Variants in PLEKHG7 observed in about 807,000 individuals in gnomAD.
PLEKHG7 encodes pleckstrin homology domain-containing family G member 7.
PLEKHG7 carries 77 observed loss-of-function variants against 85.2 expected under a neutral mutation model. The ratio of observed to expected loss-of-function variants is 0.90; its 90% CI spans 0.75 to 1.09. The LOEUF (loss-of-function observed/expected upper bound fraction) is 1.09. PLEKHG7 is among the 50% of genes least tolerant of loss of function. PLEKHG7 has a pLI of 0.00. For missense variants in PLEKHG7, 777 were observed against 804.3 expected (o/e 0.97, Z 0.41); for synonymous variants, 301 against 302.4 (o/e 1.00, Z 0.05).
intron 1 of PLEKHG7, among the ~76,000 whole-genome samples, chr12:92,705,046 G>A (rs1871194532): frequency 2.0e-5 from 3 of 152,374 alleles, no homozygotes; most frequent in South Asian, 2.1e-4. Context: ...TCACAAGGTT[G>A]TTGGACTTCT....
intron 9 of PLEKHG7, among the ~76,000 whole-genome samples, chr12:92,742,853 T>C (rs1437625020): frequency 2.6e-5 from 4 of 152,100 alleles, no homozygotes; most frequent in African/African-American, 7.2e-5. Context: ...CCACCATACC[T>C]GGCCCAAATT....
At chr12:92,743,795 G>A (rs1592682383) in intron 9 of PLEKHG7, among the ~76,000 whole-genome samples, 1 of 152,024 alleles carries the variant, frequency 6.6e-6, no homozygotes, top group South Asian at 2.1e-4. Context: ...CCTGACCTCA[G>A]GTGATCCACC....
intron 13 of PLEKHG7, 121 bp from the exon 14 acceptor site, chr12:92,761,623 GAAGAAAGA>G (rs10601568): frequency 0.082 from 59,045 of 715,748 alleles, 4,410 homozygotes; most frequent in East Asian, 0.24. Context: ...AAGAAAGAAA[GAAGAAAGA>G]AAGAAAGAAA....
intron 3 of PLEKHG7, chr12:92,721,635 G>T: frequency 1.7e-6 from 1 of 571,544 alleles, no homozygotes; most frequent in Non-Finnish European, 2.1e-6. Flanking sequence ...CAGACACCCA[G>T]TTATACAACC....
intron 3 of PLEKHG7, among the ~76,000 whole-genome samples, chr12:92,712,975 A>G (rs976676285): frequency 6.6e-6 from 1 of 152,168 alleles, no homozygotes; most frequent in African/African-American, 2.4e-5. Flanking sequence ...GTAGTCCCCA[A>G]AATGTCTGAT....
intron 3 of PLEKHG7, chr12:92,721,442 A>G: frequency 3.2e-6 from 4 of 1,230,768 alleles, no homozygotes; most frequent in Non-Finnish European, 4.1e-6. Flanking sequence ...ACGTTCTGGT[A>G]CCAGAAGGGA....
intron 3 of PLEKHG7, among the ~76,000 whole-genome samples, chr12:92,721,170 A>G (rs555033597): frequency 6.6e-6 from 1 of 152,238 alleles, no homozygotes; most frequent in East Asian, 1.9e-4. Context: ...AGCTGATTTT[A>G]AATTAGAATA....
chr12:92,725,305 G>A (rs147806178), intron 3 of PLEKHG7, among the ~76,000 whole-genome samples: 2 of 152,276 alleles, frequency 1.3e-5, no homozygotes, highest in East Asian at 3.9e-4. Context: ...GGTAAATGGA[G>A]CCAGATCACG....
chr12:92,712,957 A>G (rs1268650662), intron 3 of PLEKHG7, among the ~76,000 whole-genome samples: 1 of 152,190 alleles, frequency 6.6e-6, no homozygotes. Context: ...GCTCAAAGCC[A>G]GTGTCCAGTA....
At chr12:92,737,153 A>G (rs1275162206) in intron 6 of PLEKHG7, among the ~76,000 whole-genome samples, 1 of 152,204 alleles carries the variant, frequency 6.6e-6, no homozygotes, top group East Asian at 1.9e-4. Context: ...TGTGCATTTC[A>G]TGCTGCATAT....
At chr12:92,746,211 G>A (rs1872529675) in intron 10 of PLEKHG7, among the ~76,000 whole-genome samples, 1 of 152,196 alleles carries the variant, frequency 6.6e-6, no homozygotes, top group African/African-American at 2.4e-5. Flanking sequence ...AGTCTGAACT[G>A]AACCTTTTCA....
intron 1 of PLEKHG7, among the ~76,000 whole-genome samples, chr12:92,704,269 A>G (rs1448768538): frequency 1.3e-5 from 2 of 150,162 alleles, no homozygotes; most frequent in Non-Finnish European, 3.0e-5. Flanking sequence ...TCTAAAAAGA[A>G]AAAAAAAAAG....
intron 15 of PLEKHG7, among the ~76,000 whole-genome samples, chr12:92,766,860 AC>A (rs1382711657): frequency 2.6e-5 from 4 of 152,122 alleles, no homozygotes; most frequent in African/African-American, 4.8e-5. Context: ...CTATGCTTCC[AC>A]CTTTTTTATT....
intron 3 of PLEKHG7, among the ~76,000 whole-genome samples, chr12:92,722,544 C>T (rs1312252284): frequency 1.3e-5 from 2 of 152,118 alleles, no homozygotes; most frequent in Admixed American, 6.5e-5. Flanking sequence ...TGGATCAAGC[C>T]GTTCACAAGC....
chr12:92,707,256 G>A (rs1672632578), intron 2 of PLEKHG7, 118 bp downstream of exon 2: 1 of 1,447,784 alleles, frequency 6.9e-7, no homozygotes, highest in African/African-American at 1.4e-5. Context: ...AGCACAGGAA[G>A]TCACACTGAG....
intron 15 of PLEKHG7, among the ~76,000 whole-genome samples, chr12:92,767,826 CT>C (rs1426355504): frequency 6.6e-6 from 1 of 152,160 alleles, no homozygotes; most frequent in African/African-American, 2.4e-5. Flanking sequence ...CACTTGCTCA[CT>C]TTTTCTCTTT....
chr12:92,770,255 C>G lies in PLEKHG7; in HGVS notation c.*60C>G. 7.9e-7 allele frequency: 1 copy of G among 1,267,498 alleles called. No homozygotes were observed. Among genetic ancestry groups the G allele is most frequent in the Non-Finnish European group, 1.1e-6 (1 of 898,346 alleles). 78.5% of individuals were successfully genotyped at this position (1,267,498 alleles called of 1,614,324 possible). The stretch of plus-strand genomic sequence containing the variant: ...TTATGGTTTAAGGTATAATTTCATT[C>G]AAAGTTTTGTAACACTTAGCTAGTG... On this transcript the variant is annotated 3_prime_UTR_variant, in exon 17 of 17. Transcript: ENST00000344636.
chr12:92,741,983 A>G (rs1332016042), intron 9 of PLEKHG7, among the ~76,000 whole-genome samples: 2 of 152,074 alleles, frequency 1.3e-5, no homozygotes, highest in African/African-American at 4.8e-5. Flanking sequence ...ATCCATCAAC[A>G]CCCTTGATCA....
intron 3 of PLEKHG7, among the ~76,000 whole-genome samples, chr12:92,717,419 ATTT>A (rs1225425206): frequency 2.0e-5 from 3 of 152,230 alleles, no homozygotes; most frequent in Admixed American, 2.0e-4. Flanking sequence ...AACTCCCTGA[ATTT>A]AAATCCTAGC....
Sources: allele counts gnomAD v4.1 joint callset (sites outside exome capture counted in the v4.1 genomes callset), GRCh38; gene constraint gnomAD v4.1.1; transcripts MANE v1.5; gene names NCBI Gene and HGNC (gene_info 2026-07-23, HGNC 2026-07-21).